PLPP5: variants seen among roughly 807,000 people sequenced by gnomAD.
The protein encoded by PLPP5 is phospholipid phosphatase 5, also known as diacylglycerol pyrophosphate like 1.
PLPP5 carries 29 observed loss-of-function variants against 23.6 expected under a neutral mutation model. That is an observed-to-expected ratio of 1.23 (90% CI 0.92 to 1.68). The LOEUF (loss-of-function observed/expected upper bound fraction) is 1.68. PLPP5 is among the 40% of genes most tolerant of loss of function. PLPP5 has a pLI of 0.00. For synonymous variants in PLPP5, 143 were observed against 131.3 expected (o/e 1.09, Z -0.61); for missense variants, 315 against 332.1 (o/e 0.95, Z 0.40).
intron 4 of PLPP5, 157 bp from the exon 5 acceptor site, chr8:38,267,548 G>T: frequency 1.3e-6 from 1 of 793,306 alleles, no homozygotes; most frequent in Non-Finnish European, 1.9e-6. Flanking sequence ...TAAGAGAAAA[G>T]CCTTTCAAGG....
At position 38,266,295 on chromosome 8, in the gene PLPP5, C is replaced by G. The variant is rs937649824; in HGVS notation, c.480G>C (p.Leu160=). ...CTGCCAGGTAGAAGGACGCAAAGGC[C>G]AGACCAGCAAATGCAACTGGAACAA... ...SGHSSFAFAG[L]AFASFYLAGK... is the part of the protein sequence containing the mutation. The change falls in exon 6 of 7, where the codon CTG becomes CTC. Residue 160 remains leucine (L), a synonymous_variant. Transcript: ENST00000424479. The G allele has an allele frequency of 6.2e-7, 1 of 1,612,712 alleles. No individual in the cohort carries two copies. The highest frequency in any genetic ancestry group is 8.5e-7 in the Non-Finnish European group (1 of 1,179,404).
At position 38,268,475 on chromosome 8, in the gene PLPP5, T is replaced by C. The variant is rs1585825537; in HGVS notation, c.184-14A>G. Reference sequence around the variant, plus strand: ...AAATGCAATAACCTGAATCAGAATGTCAGAGGTTAAAAACAATCCAAAAAA... The same window carrying C: ...AAATGCAATAACCTGAATCAGAATGCCAGAGGTTAAAAACAATCCAAAAAA... On this transcript the variant is annotated splice_polypyrimidine_tract_variant and intron_variant, in intron 2 of 6. Transcript: ENST00000424479. 9.6e-6 allele frequency: 15 copies of C among 1,559,702 alleles called. No individual in the cohort carries two copies. The highest frequency in any genetic ancestry group is 1.1e-5 in the Non-Finnish European group (13 of 1,151,652).
intron 2 of PLPP5, 102 bp downstream of exon 2, chr8:38,268,780 G>C (rs1477806156): frequency 6.9e-7 from 1 of 1,441,338 alleles, no homozygotes; most frequent in East Asian, 2.6e-5. Context: ...AGCGGAGTGG[G>C]CAGTGGGTCC....
chr8:38,266,813 G>T (rs1807670334), intron 5 of PLPP5, among the ~76,000 whole-genome samples: 2 of 152,158 alleles, frequency 1.3e-5, no homozygotes, highest in South Asian at 4.1e-4. Flanking sequence ...TGTTTTATCT[G>T]AGTATAGTTT....
In PLPP5 at chr8:38,268,300, G is replaced by A. The variant is rs752104642; in HGVS notation, c.274+71C>T. 199 of 1,370,760 alleles carry A rather than the reference G, an allele frequency of 1.5e-4. 1 individual carries two copies. The highest frequency in any genetic ancestry group is 1.9e-4 in the Non-Finnish European group (188 of 993,072). 84.9% of individuals were successfully genotyped at this position (1,370,760 alleles called of 1,614,324 possible). ...TCAGTGGCCTCCACACAGGCTCACC[G>A]TGGCTGAATCCCACAACGACCTCCT... On this transcript the variant is annotated intron_variant, in intron 3 of 6. Transcript: ENST00000424479.
chr8:38,266,367 A>G, intron 5 of PLPP5, 56 bp from the exon 6 acceptor site: 1 of 1,466,930 alleles, frequency 6.8e-7, no homozygotes, highest in South Asian at 1.2e-5. Context: ...TACCTCATTC[A>G]TCCCCACATA....
chr8:38,263,436 C>G lies in PLPP5; in HGVS notation c.*1008G>C. 3 of 985,388 alleles carry G rather than the reference C, an allele frequency of 3.0e-6. No individual in the cohort carries two copies. The highest frequency in any genetic ancestry group is 3.6e-6 in the Non-Finnish European group (3 of 829,884). 61.0% of individuals were successfully genotyped at this position (985,388 alleles called of 1,614,324 possible). On this transcript the variant is annotated 3_prime_UTR_variant, in exon 7 of 7. Coordinates refer to ENST00000424479, the MANE Select transcript of PLPP5 (RefSeq NM_001102559.2). ...AGTCATGAATGGAAGGAAAGAAGCT[C>G]ACAAGTACAGTTATGGTCAAATGAG...
Position 38,264,270 on chromosome 8 carries a change from C to T in PLPP5, c.*174G>A. ...TCAAGCAATTCTCCTACCTCAGCCT[C>T]CCAGGTAGCTGGGATTACGGCACAC... On this transcript the variant is annotated 3_prime_UTR_variant, in exon 7 of 7. Coordinates refer to ENST00000424479, the MANE Select transcript of PLPP5 (RefSeq NM_001102559.2). 2 of 731,220 alleles carry T rather than the reference C, an allele frequency of 2.7e-6. No individual in the cohort carries two copies. Among genetic ancestry groups the T allele is most frequent in the African/African-American group, 1.8e-5 (1 of 54,280 alleles). 45.3% of individuals were successfully genotyped at this position (731,220 alleles called of 1,614,324 possible).
In PLPP5 at chr8:38,266,140, C is replaced by T. The variant is rs1197297757; in HGVS notation, c.634+1G>A. ...TTCCATAGCCTGAGTACTTTGCTTA[C>T]CTTGCCAGTGATGCTTGTAGTCACA... On this transcript the variant is annotated splice_donor_variant, in intron 6 of 6. Transcript: ENST00000424479. LOFTEE classifies it high-confidence loss of function. 6.2e-7 allele frequency: 1 copy of T among 1,613,784 alleles called. No individual in the cohort carries two copies. The highest frequency in any genetic ancestry group is 1.7e-5 in the Admixed American group (1 of 60,006).
intron 2 of PLPP5, 128 bp downstream of exon 2, chr8:38,268,754 G>A (rs958882945): frequency 7.0e-7 from 1 of 1,435,670 alleles, no homozygotes; most frequent in East Asian, 2.6e-5. Flanking sequence ...CTAGGAGGCG[G>A]AACCCAGCGC....
In PLPP5 at chr8:38,268,789, C is replaced by T. The variant is rs1315143975; in HGVS notation, c.183+93G>A. 1.3e-5 allele frequency: 19 copies of T among 1,443,154 alleles called. 1 individual carries two copies. Among genetic ancestry groups the T allele is most frequent in the Non-Finnish European group, 1.8e-6 (2 of 1,096,960 alleles). The allele number at this position is 1,443,154 out of a possible 1,614,324, so 89.4% of individuals were successfully genotyped here. ...CACAGCAGCGGAGTGGGCAGTGGGTCCCTACAAAGGCCGTCTCGGGGTGGA... is the reference window on the plus strand; with the variant it reads ...CACAGCAGCGGAGTGGGCAGTGGGTTCCTACAAAGGCCGTCTCGGGGTGGA... On this transcript the variant is annotated intron_variant, in intron 2 of 6. Coordinates refer to ENST00000424479, the MANE Select transcript of PLPP5 (RefSeq NM_001102559.2).
Position 38,269,125 on chromosome 8 carries a change from C to G in PLPP5, c.74+1G>C, listed in dbSNP as rs540426243. The G allele has an allele frequency of 7.0e-5, 106 of 1,523,684 alleles. 1 individual carries two copies. The highest frequency in any genetic ancestry group is 3.8e-4 in the East Asian group (15 of 39,016). The allele number at this position is 1,523,684 out of a possible 1,614,324, so 94.4% of individuals were successfully genotyped here. On this transcript the variant is annotated splice_donor_variant, in intron 1 of 6. Coordinates refer to ENST00000424479, the MANE Select transcript of PLPP5 (RefSeq NM_001102559.2). LOFTEE classifies it high-confidence loss of function. ...CGGGCCCGGCCGTGGATCTTTCTTA[C>G]AGGAAGGCCGCGAACAGCGCGAGCC...
rs1350440984 is a variant in PLPP5 at position 38,267,391 on chromosome 8, C to T, written c.339G>A (p.Arg113=). Residue 113 remains arginine, a splice_region_variant and synonymous_variant, in exon 5 of 7, where the codon AGG becomes AGA. Coordinates refer to ENST00000424479, the MANE Select transcript of PLPP5 (RefSeq NM_001102559.2). The part of the protein sequence containing the change: ...FTNTIKLIVG[R]PRPDFFYRCF... ...AGCGGTAGAAGAAATCTGGGCGTGGCCTGGAAGAAAGCAGCATGGTTGGAA... is the reference window on the plus strand; with the variant it reads ...AGCGGTAGAAGAAATCTGGGCGTGGTCTGGAAGAAAGCAGCATGGTTGGAA... 6.2e-7 allele frequency: 1 copy of T among 1,612,870 alleles called. No homozygotes were observed. The highest frequency in any genetic ancestry group is 8.5e-7 in the Non-Finnish European group (1 of 1,179,282).
At position 38,268,202 on chromosome 8, in the gene PLPP5, G is replaced by C. The variant is rs1447424689; in HGVS notation, c.274+169C>G. On this transcript the variant is annotated intron_variant, in intron 3 of 6. Transcript: ENST00000424479. Reference sequence around the variant, plus strand: ...TAGGCACAGGGCTGCCTGCCGTGTAGCCTGCGTAACCAAGTCCCTGCAGTG... The same window carrying C: ...TAGGCACAGGGCTGCCTGCCGTGTACCCTGCGTAACCAAGTCCCTGCAGTG... 28 of 1,093,616 alleles carry C rather than the reference G, an allele frequency of 2.6e-5. No individual in the cohort carries two copies. In the East Asian group the frequency reaches 7.3e-4, roughly 28 times the overall value. 67.7% of individuals were successfully genotyped at this position (1,093,616 alleles called of 1,614,324 possible).
chr8:38,265,108 A>G, intron 6 of PLPP5: 1 of 608,080 alleles, frequency 1.6e-6, no homozygotes, highest in Non-Finnish European at 2.9e-6. Flanking sequence ...TCTACTAAAA[A>G]TACAAAAATT....
At chr8:38,265,749 T>TA (rs1264611320) in intron 6 of PLPP5, 1 of 156,004 alleles carries the variant, frequency 6.4e-6, no homozygotes, top group Non-Finnish European at 1.4e-5. Context: ...ATATTTTACT[T>TA]ACTATAGCAT....
chr8:38,266,435 C>T (rs1247895859), intron 5 of PLPP5, 124 bp from the exon 6 acceptor site: 2 of 980,388 alleles, frequency 2.0e-6, no homozygotes, highest in East Asian at 2.7e-5. Context: ...CAGTCTTGCT[C>T]TGTCGCCCAG....
chr8:38,268,338 C>G, intron 3 of PLPP5, 33 bp downstream of exon 3: 1 of 1,538,112 alleles, frequency 6.5e-7, no homozygotes, highest in Non-Finnish European at 8.8e-7. Context: ...GTTCCCAGCA[C>G]GAAGAAACCG....
At chr8:38,264,795 T>C in intron 6 of PLPP5, 191 bp from the exon 7 acceptor site, 2 of 1,516,970 alleles carry the variant, frequency 1.3e-6, no homozygotes, top group Non-Finnish European at 1.8e-6. Context: ...ATTATCATTG[T>C]CAGGTTGCTT....
Sources: allele counts gnomAD v4.1 joint callset (sites outside exome capture counted in the v4.1 genomes callset), GRCh38; gene constraint gnomAD v4.1.1; transcripts MANE v1.5; gene names NCBI Gene and HGNC (gene_info 2026-07-23, HGNC 2026-07-21).